Variants in MORC3 observed in about 807,000 individuals in gnomAD.
MORC3 encodes MORC family CW-type zinc finger protein 3.
A neutral mutation model predicts 109.1 loss-of-function variants in MORC3; 31 were observed. That is an observed-to-expected ratio of 0.28 (90% CI 0.21 to 0.38). The LOEUF is 0.38. Ranked by LOEUF, MORC3 falls within the 10% of genes least tolerant of loss-of-function variation. The probability of loss-of-function intolerance (pLI) is 1.00; values close to 1 mark genes in which losing one functional copy is unlikely to be tolerated. For missense variants in MORC3, 867 were observed against 1,135.8 expected, an observed-to-expected ratio of 0.76 and a Z score of 3.40; for synonymous variants, 395 against 380.7, an observed-to-expected ratio of 1.04 and a Z score of -0.44.
chr21:36,356,906 A>G (rs558161976), intron 10 of MORC3, among the ~76,000 whole-genome samples, 182 bp downstream of exon 10: 1 of 152,338 alleles, frequency 6.6e-6, no homozygotes, highest in African/African-American at 2.4e-5. Flanking sequence ...ATGCACACAA[A>G]ACATCCATAA....
At chr21:36,343,430 G>A (rs141217590) in intron 6 of MORC3, among the ~76,000 whole-genome samples, 1,485 of 147,788 alleles carry the variant, frequency 0.01, 16 homozygotes, top group African/African-American at 0.035. Context: ...TAAGACATGT[G>A]ATACTAACTT....
chr21:36,336,092 ATT>A (rs71326676), intron 2 of MORC3, among the ~76,000 whole-genome samples: 36 of 137,622 alleles, frequency 2.6e-4, no homozygotes, highest in Admixed American at 2.9e-4. Context: ...TGCCTGGCTA[ATT>A]TTTTTTTTTT....
Position 36,362,202 on chromosome 21 carries a change from A to G in MORC3, c.1426A>G (p.Ile476Val). 1 of 1,612,000 alleles carries G rather than the reference A, an allele frequency of 6.2e-7. No individual in the cohort carries two copies. The highest frequency in any genetic ancestry group is 8.5e-7 in the Non-Finnish European group (1 of 1,179,364). The stretch of plus-strand genomic sequence containing the variant: ...TTAAAGCAACAAGGAAAAATTCAGG[A>G]TCAGACAACCGGAAATGATCCCTCG... ...YKKTNKEKFRIRQPEMIPRIN... is the reference protein window; with the variant it reads ...YKKTNKEKFRVRQPEMIPRIN... The change falls in exon 13 of 17, where the codon ATC becomes GTC. Residue 476 changes from isoleucine (I) to valine (V), a missense_variant. Ile to Val is a conservative substitution (Grantham distance 29, BLOSUM62 3). Transcript: ENST00000400485.
At chr21:36,359,894 T>C (rs1413336765) in intron 10 of MORC3, 61 bp from the exon 11 acceptor site, 1 of 1,580,780 alleles carries the variant, frequency 6.3e-7, no homozygotes, top group Non-Finnish European at 8.7e-7. Context: ...ATGTGGAACA[T>C]CTGATGAAGT....
chr21:36,334,702 G>T (rs1013891856), intron 2 of MORC3, among the ~76,000 whole-genome samples: 5 of 152,188 alleles, frequency 3.3e-5, no homozygotes, highest in Non-Finnish European at 7.3e-5. Context: ...TATGTAATAA[G>T]TTCTTGCTTC....
intron 6 of MORC3, among the ~76,000 whole-genome samples, chr21:36,343,426 A>G (rs901072791): frequency 1.4e-5 from 2 of 146,462 alleles, no homozygotes; most frequent in Non-Finnish European, 3.0e-5. Flanking sequence ...TTGATAAGAC[A>G]TGTGATACTA....
At chr21:36,331,779 TTTG>T (rs2085317949) in intron 1 of MORC3, among the ~76,000 whole-genome samples, 1 of 152,164 alleles carries the variant, frequency 6.6e-6, no homozygotes, top group Non-Finnish European at 1.5e-5. Flanking sequence ...GCAATGCAAA[TTTG>T]TTGCATTGCG....
At chr21:36,352,575 C>G (rs867384449) in intron 9 of MORC3, among the ~76,000 whole-genome samples, 3 of 152,136 alleles carry the variant, frequency 2.0e-5, no homozygotes, top group South Asian at 2.1e-4. Context: ...AAGGTACTTT[C>G]ATGAGCATTT....
At chr21:36,364,741 A>G (rs769152204) in intron 14 of MORC3, among the ~76,000 whole-genome samples, 6 of 151,894 alleles carry the variant, frequency 4.0e-5, no homozygotes, top group Non-Finnish European at 8.8e-5. Context: ...TGCTTTTAAG[A>G]TGATCAGGAC....
chr21:36,357,582 A>G (rs2085658985), intron 10 of MORC3, among the ~76,000 whole-genome samples: 1 of 151,670 alleles, frequency 6.6e-6, no homozygotes, highest in Non-Finnish European at 1.5e-5. Flanking sequence ...ATACACATGC[A>G]TACTTTATAA....
At chr21:36,323,219 C>A (rs931754233) in intron 1 of MORC3, among the ~76,000 whole-genome samples, 5 of 152,112 alleles carry the variant, frequency 3.3e-5, no homozygotes, top group African/African-American at 1.2e-4. Flanking sequence ...GTCTCCATCT[C>A]ACATATCCTT....
At chr21:36,364,341 C>G in intron 14 of MORC3, 82 bp downstream of exon 14, 3 of 1,405,652 alleles carry the variant, frequency 2.1e-6, no homozygotes, top group Middle Eastern at 3.6e-4. Context: ...TGATGCAATT[C>G]GGGATCATTG....
intron 5 of MORC3, among the ~76,000 whole-genome samples, chr21:36,340,960 G>A (rs892668413): frequency 6.6e-6 from 1 of 152,104 alleles, no homozygotes; most frequent in Non-Finnish European, 1.5e-5. Context: ...TTCTTGCTGA[G>A]TAGTGTTTCA....
chr21:36,335,470 C>T (rs2282108), intron 2 of MORC3, among the ~76,000 whole-genome samples: 70,048 of 151,628 alleles, frequency 0.46, 16,868 homozygotes, highest in East Asian at 0.59. Flanking sequence ...CACATGCCAC[C>T]GCTCCTGGCT....
chr21:36,367,395 G>A (rs1320769068), intron 14 of MORC3, among the ~76,000 whole-genome samples: 3 of 152,176 alleles, frequency 2.0e-5, no homozygotes, highest in Non-Finnish European at 2.9e-5. Context: ...AGCCACATGT[G>A]TCATCTCCCA....
rs188610368 is a variant in MORC3 at position 36,327,748 on chromosome 21, G to C, written c.40-5898G>C. Among the ~76,000 whole-genome samples the C allele has an allele frequency of 2.2e-3, 329 of 151,478 alleles. 20 individuals carry two copies. Among genetic ancestry groups the C allele is most frequent in the African/African-American group, 7.4e-3 (303 of 40,834 alleles). ...ATTGGCTGTTATCTCCCTTGATTTC[G>C]CTGAAGGTCAGATAACAACTTAGTT... On this transcript the variant is annotated intron_variant, in intron 1 of 16. Coordinates refer to ENST00000400485, the MANE Select transcript of MORC3 (RefSeq NM_015358.3).
chr21:36,344,262 T>C (rs117640600), intron 6 of MORC3, among the ~76,000 whole-genome samples: 3,457 of 150,734 alleles, frequency 0.023, 58 homozygotes, highest in Admixed American at 0.045. Context: ...TTTGTACATA[T>C]ATACATTTTT....
At chr21:36,346,916 G>T (rs1307384407) in intron 8 of MORC3, among the ~76,000 whole-genome samples, 1 of 151,264 alleles carries the variant, frequency 6.6e-6, no homozygotes, top group Admixed American at 6.6e-5. Flanking sequence ...TGAGGTGGGA[G>T]AGTGCTTGAG....
chr21:36,353,602 T>C lies in MORC3; in HGVS notation c.1104-3018T>C, dbSNP rs370874221. 5.5e-3 allele frequency among the ~76,000 whole-genome samples: 831 copies of C among 151,554 alleles called. 3 individuals are homozygous for C. The highest frequency in any genetic ancestry group is 0.01 in the Middle Eastern group (3 of 294). On this transcript the variant is annotated intron_variant, in intron 9 of 16. Transcript: ENST00000400485. ...CTATTTTATTTATTTTTTTCTGAGA[T>C]GGAGTCTTGCTCTGTCATCCAGTCT...
Sources: allele counts gnomAD v4.1 joint callset (sites outside exome capture counted in the v4.1 genomes callset), GRCh38; gene constraint gnomAD v4.1.1; transcripts MANE v1.5; gene names NCBI Gene and HGNC (gene_info 2026-07-23, HGNC 2026-07-21).